AIG1: variants seen among roughly 807,000 people sequenced by gnomAD.
AIG1 encodes androgen induced 1.
AIG1 carries 23 observed loss-of-function variants against 31.4 expected under a neutral mutation model. The observed-to-expected ratio is 0.73, with a 90% CI of 0.53 to 1.04. The LOEUF is 1.04. Among genes scored for constraint, AIG1 ranks in the 50% least tolerant of loss-of-function variants. The pLI is 0.00. For missense variants in AIG1, 274 were observed against 295.0 expected (o/e 0.93, Z 0.52); for synonymous variants, 100 against 110.5 (o/e 0.90, Z 0.60).
At chr6:143,321,664 G>A (rs1776225356) in intron 4 of AIG1, among the ~76,000 whole-genome samples, 1 of 152,188 alleles carries the variant, frequency 6.6e-6, no homozygotes. Flanking sequence ...TTCCTCTGGG[G>A]CAGAACAGGG....
intron 2 of AIG1, among the ~76,000 whole-genome samples, chr6:143,163,828 TACTCTG>T (rs1258225674): frequency 6.6e-6 from 1 of 152,296 alleles, no homozygotes; most frequent in African/African-American, 2.4e-5. Flanking sequence ...TATCTCCTTT[TACTCTG>T]ACTTTTAGCC....
chr6:143,160,263 C>T (rs1191585599), intron 2 of AIG1, among the ~76,000 whole-genome samples: 1 of 152,204 alleles, frequency 6.6e-6, no homozygotes, highest in Admixed American at 6.5e-5. Flanking sequence ...TGGTCTTACT[C>T]AATTCCAAAG....
upstream of AIG1, chr6:143,060,879 C>G (rs1318313447): frequency 3.0e-6 from 4 of 1,312,778 alleles, no homozygotes; most frequent in Admixed American, 5.1e-5. Context: ...GCGCCTCCCT[C>G]ACGCCCGCCC....
chr6:143,157,948 T>G (rs1010625179), intron 2 of AIG1, among the ~76,000 whole-genome samples: 3 of 152,212 alleles, frequency 2.0e-5, no homozygotes, highest in Non-Finnish European at 2.9e-5. Context: ...ATTGGTTTGT[T>G]CTTACCAAGC....
chr6:143,267,574 A>G (rs971788701), intron 3 of AIG1, among the ~76,000 whole-genome samples: 3 of 151,968 alleles, frequency 2.0e-5, no homozygotes, highest in Non-Finnish European at 2.9e-5. Context: ...TTTCCCCTTC[A>G]TCCTTTCTGA....
chr6:143,113,078 T>G (rs1231321159), intron 1 of AIG1, among the ~76,000 whole-genome samples: 1 of 151,744 alleles, frequency 6.6e-6, no homozygotes, highest in Non-Finnish European at 1.5e-5. Context: ...ATCCTAGCAC[T>G]TTGGGAGACT....
intron 3 of AIG1, among the ~76,000 whole-genome samples, chr6:143,233,388 G>A (rs1486121437): frequency 6.6e-6 from 1 of 151,972 alleles, no homozygotes; most frequent in Non-Finnish European, 1.5e-5. Context: ...AATATTTGGT[G>A]GTTTGACGAG....
chr6:143,315,649 A>T (rs1775681499), intron 4 of AIG1, among the ~76,000 whole-genome samples: 1 of 152,136 alleles, frequency 6.6e-6, no homozygotes, highest in African/African-American at 2.4e-5. Flanking sequence ...CATAAATCTT[A>T]CACCTTTCAC....
At chr6:143,253,035 C>T (rs1329427970) in intron 3 of AIG1, among the ~76,000 whole-genome samples, 4 of 152,140 alleles carry the variant, frequency 2.6e-5, no homozygotes, top group East Asian at 3.9e-4. Flanking sequence ...GGAGGACACT[C>T]GCTAGCAAAA....
At chr6:143,091,602 G>A (rs866262642) in intron 1 of AIG1, among the ~76,000 whole-genome samples, 2 of 152,180 alleles carry the variant, frequency 1.3e-5, no homozygotes, top group Non-Finnish European at 1.5e-5. Context: ...GCACAGTTAC[G>A]ATGGTAAAAC....
chr6:143,318,017 C>T (rs1210475364), intron 4 of AIG1, among the ~76,000 whole-genome samples: 3 of 151,966 alleles, frequency 2.0e-5, no homozygotes, highest in African/African-American at 7.2e-5. Flanking sequence ...CAAATGGAAA[C>T]ACATCCCATG....
chr6:143,260,536 G>A (rs1362291240), intron 3 of AIG1, among the ~76,000 whole-genome samples: 4 of 152,200 alleles, frequency 2.6e-5, no homozygotes, highest in Non-Finnish European at 4.4e-5. Context: ...TCAAAAACCT[G>A]TGGGGTGCTG....
intron 3 of AIG1, among the ~76,000 whole-genome samples, chr6:143,236,726 C>T (rs1793834221): frequency 6.6e-6 from 1 of 152,132 alleles, no homozygotes; most frequent in Non-Finnish European, 1.5e-5. Flanking sequence ...AAATGAGCTA[C>T]CTAAACCAAA....
At chr6:143,073,702 A>G (rs1306270016) in intron 1 of AIG1, among the ~76,000 whole-genome samples, 2 of 152,204 alleles carry the variant, frequency 1.3e-5, no homozygotes, top group Non-Finnish European at 1.5e-5. Flanking sequence ...TAACACTAGC[A>G]TCTACTTCTG....
intron 3 of AIG1, among the ~76,000 whole-genome samples, chr6:143,207,028 T>G (rs1337959206): frequency 6.6e-6 from 1 of 152,282 alleles, no homozygotes; most frequent in South Asian, 2.1e-4. Context: ...ATAAGTAATA[T>G]AAATTCAAGA....
In AIG1 at chr6:143,331,077, T is replaced by C. The variant is rs575128482; in HGVS notation, c.516-2205T>C. Among the ~76,000 whole-genome samples, 3 of 152,304 alleles carry C rather than the reference T, an allele frequency of 2.0e-5. No individual in the cohort carries two copies. In the East Asian group the frequency reaches 5.8e-4, roughly 29 times the overall value. ...ACAGACCTAGAGAATGCCTCTTTGC[T>C]GTAAGATTGTTCCTCAATCTTTCTT... On this transcript the variant is annotated intron_variant, in intron 4 of 5. Transcript: ENST00000357847. This position sits in a 1 kb window ranked among gnomAD's most constrained non-coding sequence, Gnocchi z 4.1.
chr6:143,201,704 G>T (rs907398577), intron 3 of AIG1, among the ~76,000 whole-genome samples: 8 of 152,134 alleles, frequency 5.3e-5, no homozygotes, highest in Non-Finnish European at 1.0e-4. Flanking sequence ...CTTTATTAAC[G>T]CTTAATTCTC....
intron 4 of AIG1, among the ~76,000 whole-genome samples, chr6:143,319,636 AT>A (rs71550994): frequency 6.6e-6 from 1 of 152,160 alleles, no homozygotes. Context: ...AAACATAATA[AT>A]TTTTAAAAGA....
intron 1 of AIG1, among the ~76,000 whole-genome samples, chr6:143,073,031 C>A (rs1777431896): frequency 6.6e-6 from 1 of 152,164 alleles, no homozygotes; most frequent in Admixed American, 6.5e-5. Context: ...CCCATTTCCT[C>A]CCCACTTCCC....
Sources: gnomAD v4.1 joint callset for allele counts (sites outside exome capture counted in the v4.1 genomes callset) on GRCh38, gnomAD v4.1.1 for gene constraint, Gnocchi (gnomAD v3.1) non-coding constraint, MANE v1.5 for transcripts, NCBI Gene and HGNC (gene_info 2026-07-23, HGNC 2026-07-21) for gene names.